The following NHS variants were observed in gnomAD, a reference collection of about 807,000 sequenced individuals.
NHS encodes the protein actin remodeling regulator NHS.
Under a neutral mutation model 72.5 loss-of-function variants are expected in NHS, and 5 were observed. That is an observed-to-expected ratio of 0.07 (90% CI 0.04 to 0.14). The LOEUF is 0.14. NHS is among the 10% of genes least tolerant of loss of function. The probability of loss-of-function intolerance (pLI) is 1.00; values close to 1 mark genes in which losing one functional copy is unlikely to be tolerated. For synonymous variants in NHS, 464 were observed against 547.7 expected (o/e 0.85, Z 2.13); for missense variants, 1,072 against 1,355.7 (o/e 0.79, Z 3.29).
At chrX:17,698,168 A>T (rs900919291) in intron 3 of NHS, among the ~76,000 whole-genome samples, 2 of 111,820 alleles carry the variant, frequency 1.8e-5, no homozygotes, top group African/African-American at 3.2e-5. Flanking sequence ...TTAAACACAC[A>T]CAAGATTTTT....
At chrX:17,576,405 TC>T (rs1459549345) in intron 1 of NHS, among the ~76,000 whole-genome samples, 1 of 111,763 alleles carries the variant, frequency 8.9e-6, no homozygotes, top group Non-Finnish European at 1.9e-5. Context: ...GGAAGACTGA[TC>T]CAAGGCAAAT....
At chrX:17,423,995 A>C (rs1230819218) in intron 1 of NHS, among the ~76,000 whole-genome samples, 1 of 112,239 alleles carries the variant, frequency 8.9e-6, no homozygotes, top group African/African-American at 3.2e-5. Flanking sequence ...TTGGCTTATC[A>C]GTTGGCATGA....
At chrX:17,655,321 G>A (rs1183649490) in intron 1 of NHS, among the ~76,000 whole-genome samples, 1 of 112,152 alleles carries the variant, frequency 8.9e-6, no homozygotes, top group African/African-American at 3.2e-5. Flanking sequence ...GATGTGCGGA[G>A]CCCGCCGCCA....
chrX:17,707,476 GATGTGTCTTTGAAGGGCAGGGGACATTCC>G (rs1673711908), intron 3 of NHS, among the ~76,000 whole-genome samples: 1 of 111,915 alleles, frequency 8.9e-6, no homozygotes, highest in Admixed American at 9.5e-5. Context: ...TTTTACCAAG[GATGTGTCTTTGAAGGGCAGGGGACATTCC>G]AACTGCCTTA....
intron 1 of NHS, among the ~76,000 whole-genome samples, chrX:17,547,736 G>A (rs868153189): frequency 1.7e-4 from 19 of 112,653 alleles, no homozygotes; most frequent in Middle Eastern, 9.2e-3. Flanking sequence ...ATCTCTTGCT[G>A]TAACTTAGTG....
chrX:17,444,946 A>G (rs2064771742), intron 1 of NHS, among the ~76,000 whole-genome samples: 1 of 110,333 alleles, frequency 9.1e-6, no homozygotes, highest in African/African-American at 3.3e-5. Flanking sequence ...TCATTTACTT[A>G]TGATGGCTTT....
At chrX:17,649,470 G>T (rs561770983) in intron 1 of NHS, among the ~76,000 whole-genome samples, 1 of 111,152 alleles carries the variant, frequency 9.0e-6, no homozygotes, top group African/African-American at 3.3e-5. Flanking sequence ...AGGAGGCCAG[G>T]TTGGGCAAAA....
At chrX:17,408,336 T>C (rs1393115747) in intron 1 of NHS, among the ~76,000 whole-genome samples, 1 of 111,794 alleles carries the variant, frequency 8.9e-6, no homozygotes, top group East Asian at 2.8e-4. Context: ...TAAAGAATGA[T>C]CAGATGATCA....
intron 3 of NHS, among the ~76,000 whole-genome samples, chrX:17,713,566 G>A (rs2066347359): frequency 8.9e-6 from 1 of 112,003 alleles, no homozygotes; most frequent in African/African-American, 3.3e-5. Context: ...ATTTCCTGCT[G>A]GAATACCCAC....
chrX:17,444,289 C>A (rs1158770463), intron 1 of NHS, among the ~76,000 whole-genome samples: 2 of 111,823 alleles, frequency 1.8e-5, no homozygotes, highest in Non-Finnish European at 3.8e-5. Context: ...GGTCCATACC[C>A]TTACTAGGCC....
intron 1 of NHS, among the ~76,000 whole-genome samples, chrX:17,529,891 G>A (rs1329494177): frequency 9.0e-6 from 1 of 111,284 alleles, no homozygotes; most frequent in African/African-American, 3.3e-5. Flanking sequence ...AAAACCAACT[G>A]CATCCTGTCT....
chrX:17,421,226 C>T (rs773769693), intron 1 of NHS, among the ~76,000 whole-genome samples: 3 of 99,720 alleles, frequency 3.0e-5, no homozygotes, highest in African/African-American at 7.8e-5. Context: ...AGCAGCTCTA[C>T]GTGTGTGTGT....
At chrX:17,719,470 T>C in intron 4 of NHS, 64 bp downstream of exon 4, 1 of 872,641 alleles carries the variant, frequency 1.1e-6, no homozygotes, top group Non-Finnish European at 1.6e-6. Context: ...TCTTCCTTTT[T>C]TCCCTCTTTT....
chrX:17,478,518 T>C (rs1284471702), intron 1 of NHS, among the ~76,000 whole-genome samples: 1 of 111,968 alleles, frequency 8.9e-6, no homozygotes, highest in African/African-American at 3.2e-5. Flanking sequence ...TTTACTAGTG[T>C]AGTTTATGGC....
At chrX:17,646,685 G>GA (rs1202577262) in intron 1 of NHS, among the ~76,000 whole-genome samples, 1 of 112,020 alleles carries the variant, frequency 8.9e-6, no homozygotes, top group African/African-American at 3.3e-5. Context: ...TTCAGAACCT[G>GA]AACTAGGTGA....
At chrX:17,620,786 G>C (rs16980658) in intron 1 of NHS, among the ~76,000 whole-genome samples, 17,910 of 110,739 alleles carry the variant, frequency 0.16, 3,473 homozygotes, top group African/African-American at 0.55. Flanking sequence ...ATCTGGATTT[G>C]TCTGCTCCTG....
intron 1 of NHS, among the ~76,000 whole-genome samples, chrX:17,604,029 ATAT>A (rs1223260360): frequency 1.8e-5 from 2 of 111,321 alleles, no homozygotes; most frequent in Non-Finnish European, 3.8e-5. Flanking sequence ...TCATAATAAA[ATAT>A]TATTAATATT....
At chrX:17,605,412 G>A (rs2065673916) in intron 1 of NHS, among the ~76,000 whole-genome samples, 1 of 111,559 alleles carries the variant, frequency 9.0e-6, no homozygotes, top group South Asian at 3.8e-4. Context: ...CGAGAAACTA[G>A]GTAAAGCGCT....
At position 17,727,971 on chromosome X, in the gene NHS, A is replaced by C; in HGVS notation, c.3865A>C (p.Ile1289Leu). The C allele has an allele frequency of 1.2e-5, 14 of 1,211,542 alleles. No individual in the cohort carries two copies. The highest frequency in any genetic ancestry group is 1.6e-5 in the Non-Finnish European group (14 of 895,436). ...CCGCCCAAATGATTTGGATGGTAAA[A>C]TAATACAATATGGACCTGGTCCAGA... is the stretch of plus-strand genomic sequence containing the variant. ...AARPNDLDGK[I>L]IQYGPGPDET... Residue 1289 changes from isoleucine to leucine, a missense_variant, in exon 7 of 9, where the codon ATA (isoleucine) becomes CTA (leucine). Physicochemically the swap from Ile to Leu is conservative, Grantham distance 5. Coordinates refer to ENST00000676302, the MANE Select transcript of NHS (RefSeq NM_001291867.2).
Sources: allele counts gnomAD v4.1 joint callset (sites outside exome capture counted in the v4.1 genomes callset), GRCh38; gene constraint gnomAD v4.1.1; transcripts MANE v1.5; gene names NCBI Gene and HGNC (gene_info 2026-07-23, HGNC 2026-07-21).